PIWIL4: variants seen among roughly 807,000 people sequenced by gnomAD.
PIWIL4 encodes the protein piwi-like protein 4.
PIWIL4 carries 50 observed loss-of-function variants against 100.9 expected under a neutral mutation model. That is an observed-to-expected ratio of 0.50 (90% CI 0.39 to 0.63). The LOEUF (loss-of-function observed/expected upper bound fraction) is 0.63. Ranked by LOEUF, PIWIL4 falls within the 20% of genes least tolerant of loss-of-function variation. The pLI is 0.00. For synonymous variants in PIWIL4, 342 were observed against 367.5 expected, an observed-to-expected ratio of 0.93 and a Z score of 0.79; for missense variants, 887 against 1,043.3, an observed-to-expected ratio of 0.85 and a Z score of 2.06.
At chr11:94,615,242 A>T (rs1259718380) in intron 15 of PIWIL4, among the ~76,000 whole-genome samples, 1 of 152,162 alleles carries the variant, frequency 6.6e-6, no homozygotes, top group Non-Finnish European at 1.5e-5. Context: ...CATCCTAGGC[A>T]GTATCCTGAA....
intron 6 of PIWIL4, among the ~76,000 whole-genome samples, chr11:94,586,525 C>A (rs1292299615): frequency 6.6e-6 from 1 of 152,176 alleles, no homozygotes; most frequent in African/African-American, 2.4e-5. Context: ...GTCATTAAAT[C>A]TATCCACTGC....
Position 94,567,404 on chromosome 11 carries a change from C to A in PIWIL4, c.-115C>A. The A allele has an allele frequency of 2.1e-6, 2 of 955,212 alleles. No homozygotes were observed. Among genetic ancestry groups the A allele is most frequent in the Non-Finnish European group, 3.0e-6 (2 of 676,848 alleles). The allele number at this position is 955,212 out of a possible 1,614,324, so 59.2% of individuals were successfully genotyped here. A position where few individuals can be genotyped will look rare whatever the true frequency, so the allele number is the denominator to read the frequency against. ...CCCGGCGTTGGTTGTGGATGCTGGA[C>A]ATCCACCGCCTCCAGGCAGTTTCGC... On this transcript the variant is annotated 5_prime_UTR_variant, in exon 1 of 20. Coordinates refer to ENST00000299001, the MANE Select transcript of PIWIL4 (RefSeq NM_152431.3).
At chr11:94,600,967 G>C (rs1490453053) in intron 11 of PIWIL4, among the ~76,000 whole-genome samples, 1 of 151,676 alleles carries the variant, frequency 6.6e-6, no homozygotes, top group Non-Finnish European at 1.5e-5. Context: ...CTGTTATCCT[G>C]TTCTTTTTTC....
intron 3 of PIWIL4, among the ~76,000 whole-genome samples, chr11:94,575,667 T>C (rs1194891496): frequency 6.6e-6 from 1 of 152,238 alleles, no homozygotes; most frequent in Non-Finnish European, 1.5e-5. Flanking sequence ...AATATATTAT[T>C]ATCCAGCATA....
At chr11:94,585,185 A>G (rs1948381239) in intron 5 of PIWIL4, among the ~76,000 whole-genome samples, 1 of 152,246 alleles carries the variant, frequency 6.6e-6, no homozygotes, top group Non-Finnish European at 1.5e-5. Context: ...CATAATGGCT[A>G]ATTGACCACA....
chr11:94,574,671 A>G (rs1948213413), intron 2 of PIWIL4, among the ~76,000 whole-genome samples: 3 of 152,096 alleles, frequency 2.0e-5, no homozygotes, highest in Non-Finnish European at 1.5e-5. Flanking sequence ...TGGTAGAGAC[A>G]GGGTTTCAAC....
At chr11:94,605,527 G>A (rs773744615) in intron 13 of PIWIL4, among the ~76,000 whole-genome samples, 2 of 152,166 alleles carry the variant, frequency 1.3e-5, no homozygotes, top group African/African-American at 2.4e-5. Flanking sequence ...GTAAAGTTAA[G>A]CTTTATCAGT....
In PIWIL4 at chr11:94,601,906, GT is replaced by G. The variant is rs777357841; in HGVS notation, c.1494del (p.Ala499ProfsTer5). On this transcript the variant is annotated frameshift_variant, in exon 12 of 20. Transcript: ENST00000299001. LOFTEE classifies it high-confidence loss of function. ...TTTATGTAGCGACAGAACTGAATAT[GT>G]TGCCGAGAGCTTTCTGAACTGCTTG... ...LILCSDRTEY[V>X]AESFLNCLRR... The G allele has an allele frequency of 1.2e-6, 2 of 1,614,112 alleles. No homozygotes were observed. Among genetic ancestry groups the G allele is most frequent in the Non-Finnish European group, 1.7e-6 (2 of 1,179,994 alleles).
intron 4 of PIWIL4, among the ~76,000 whole-genome samples, chr11:94,580,602 A>G (rs947993184): frequency 6.6e-6 from 1 of 151,816 alleles, no homozygotes; most frequent in Non-Finnish European, 1.5e-5. Context: ...TAAATAAAAC[A>G]GAGTACTTGT....
intron 11 of PIWIL4, among the ~76,000 whole-genome samples, chr11:94,599,659 C>A (rs1367859303): frequency 6.6e-6 from 1 of 152,144 alleles, no homozygotes; most frequent in Non-Finnish European, 1.5e-5. Flanking sequence ...TCCAGCCCAG[C>A]CAGTGGAAGG....
Position 94,574,999 on chromosome 11 carries a change from A to G in PIWIL4, c.167A>G (p.Asp56Gly). 1 of 1,611,868 alleles carries G rather than the reference A, an allele frequency of 6.2e-7. No homozygotes were observed. The highest frequency in any genetic ancestry group is 8.5e-7 in the Non-Finnish European group (1 of 1,178,266). Residue 56 changes from aspartate to glycine, a missense_variant and splice_region_variant, in exon 3 of 20, where the codon GAT (aspartate) becomes GGT (glycine). Physicochemically the swap from Asp to Gly is moderately conservative, Grantham distance 94. This residue lies in a region of PIWIL4 where 146 missense variants were observed against 113.4 expected (regional missense o/e 1.29). Transcript: ENST00000299001. ...FLGTSRISTN[D>G]KYGISSGDAG... is the part of the protein sequence containing the mutation. ...TTACCACATTCTCTTCATGTTTTAG[A>G]TAAATATGGGATATCTTCTGGTGAT... is the stretch of plus-strand genomic sequence containing the variant.
chr11:94,601,959 T>C lies in PIWIL4; in HGVS notation c.1545T>C (p.Phe515=). 1.2e-6 allele frequency: 2 copies of C among 1,610,464 alleles called. No homozygotes were observed. Among genetic ancestry groups the C allele is most frequent in the Non-Finnish European group, 1.7e-6 (2 of 1,179,148 alleles). The change falls in exon 12 of 20, where the codon TTT becomes TTC. Residue 515 remains phenylalanine, a synonymous_variant. Coordinates refer to ENST00000299001, the MANE Select transcript of PIWIL4 (RefSeq NM_152431.3). ...GAAGAGTTGCAGGTTCCATGGGATT[T>C]AATGTGGACTACCCCAAAATGTGAG... The part of the protein sequence containing the change: ...CLRRVAGSMG[F]NVDYPKIIKV...
chr11:94,611,026 ACTTTCTTTAT>A (rs1227458822), intron 15 of PIWIL4, among the ~76,000 whole-genome samples: 6 of 152,162 alleles, frequency 3.9e-5, no homozygotes, highest in Middle Eastern at 3.4e-3. Context: ...TATTGAAGAG[ACTTTCTTTAT>A]CCCATTGTGT....
chr11:94,581,454 C>T (rs1948316616), intron 4 of PIWIL4, among the ~76,000 whole-genome samples: 1 of 152,144 alleles, frequency 6.6e-6, no homozygotes. Context: ...ATTTTAGAAA[C>T]TTTTGCTCAT....
chr11:94,605,900 T>C (rs1384887070), intron 13 of PIWIL4, among the ~76,000 whole-genome samples: 2 of 152,240 alleles, frequency 1.3e-5, no homozygotes, highest in Non-Finnish European at 2.9e-5. Context: ...TGTGTCTCCA[T>C]CTTTCTTGGA....
At chr11:94,574,906 A>G (rs774877931) in intron 2 of PIWIL4, 93 bp from the exon 3 acceptor site, 20 of 1,307,726 alleles carry the variant, frequency 1.5e-5, no homozygotes, top group Non-Finnish European at 1.8e-5. Flanking sequence ...CAAAACCACA[A>G]GTTTGGATTG....
intron 2 of PIWIL4, among the ~76,000 whole-genome samples, chr11:94,569,108 C>T (rs1218541259): frequency 6.6e-6 from 1 of 152,114 alleles, no homozygotes; most frequent in African/African-American, 2.4e-5. Context: ...ATACGAATAC[C>T]ATTTGATCCA....
intron 4 of PIWIL4, among the ~76,000 whole-genome samples, chr11:94,580,557 C>T (rs1948297295): frequency 6.6e-6 from 1 of 152,190 alleles, no homozygotes; most frequent in East Asian, 1.9e-4. Flanking sequence ...TACTCTGAAC[C>T]TGGCAGGGTG....
chr11:94,567,715 G>A lies in PIWIL4; in HGVS notation c.87+110G>A, dbSNP rs887215167. On this transcript the variant is annotated intron_variant, in intron 1 of 19. Transcript: ENST00000299001. ...CCTCCTCTCTGTTACGAAGTAGTGCGTTATCTTTTCTCTCAAGTTTGAGTC... is the reference window on the plus strand; with the variant it reads ...CCTCCTCTCTGTTACGAAGTAGTGCATTATCTTTTCTCTCAAGTTTGAGTC... The A allele has an allele frequency of 4.4e-5, 57 of 1,306,344 alleles. No homozygotes were observed. The Middle Eastern group carries it at 9.9e-4, about 23-fold the overall frequency. The allele number at this position is 1,306,344 out of a possible 1,614,324, so 80.9% of individuals were successfully genotyped here. A position where few individuals can be genotyped will look rare whatever the true frequency, so the allele number is the denominator to read the frequency against.
Sources: gnomAD v4.1 joint callset for allele counts (sites outside exome capture counted in the v4.1 genomes callset) on GRCh38, gnomAD v4.1.1 for gene constraint, gnomAD v4.1.1 regional missense constraint, MANE v1.5 for transcripts, NCBI Gene and HGNC (gene_info 2026-07-23, HGNC 2026-07-21) for gene names.